Variants in C10orf67 observed in about 807,000 individuals in gnomAD.
The protein encoded by C10orf67 is uncharacterized protein C10orf67, mitochondrial.
A neutral mutation model predicts 35.6 loss-of-function variants in C10orf67; 60 were observed. That is an observed-to-expected ratio of 1.68 (90% CI 1.37 to 2.09). The LOEUF is 2.09. C10orf67 is among the 30% of genes most tolerant of loss of function. C10orf67 has a pLI of 0.00. For synonymous variants in C10orf67, 167 were observed against 115.8 expected, an observed-to-expected ratio of 1.44 and a Z score of -2.84; for missense variants, 474 against 330.2, an observed-to-expected ratio of 1.44 and a Z score of -3.38.
chr10:23,313,012 C>T (rs1844556512), intron 4 of C10orf67, among the ~76,000 whole-genome samples: 1 of 152,164 alleles, frequency 6.6e-6, no homozygotes, highest in South Asian at 2.1e-4. Flanking sequence ...ATTACATGAA[C>T]CAATTCCTCA....
intron 8 of C10orf67, among the ~76,000 whole-genome samples, chr10:23,274,667 T>C (rs1318031218): frequency 6.6e-6 from 1 of 152,162 alleles, no homozygotes; most frequent in African/African-American, 2.4e-5. Context: ...ACTGATTTTA[T>C]ATTGTTCAAA....
rs986953308 is a variant in C10orf67, at chr10:23,339,567, C to T, written c.206+5002G>A. On this transcript the variant is annotated intron_variant, in intron 1 of 15. Coordinates refer to ENST00000636213, the MANE Select transcript of C10orf67 (RefSeq NM_001371909.1). ...CCCTGCAGACCAGCAGTTGTCACAC[C>T]CTCTGGCAAGTTTCTCTCCCACCAT... Among the ~76,000 whole-genome samples, 3 of 152,246 alleles carry T rather than the reference C, an allele frequency of 2.0e-5. No individual in the cohort carries two copies. The East Asian group carries it at 5.8e-4, about 29-fold the overall frequency.
chr10:23,288,031 T>G (rs1395823515), intron 7 of C10orf67, among the ~76,000 whole-genome samples: 1 of 152,188 alleles, frequency 6.6e-6, no homozygotes, highest in Non-Finnish European at 1.5e-5. Flanking sequence ...GAATGCAAAT[T>G]AGTTCAACCA....
chr10:23,344,703 G>T lies in C10orf67; in HGVS notation c.72C>A (p.Ser24=), dbSNP rs756402620. 1.9e-5 allele frequency: 30 copies of T among 1,574,826 alleles called. No homozygotes were observed. Among genetic ancestry groups the T allele is most frequent in the Non-Finnish European group, 2.6e-5 (30 of 1,160,614 alleles). ...TGCCAAAGGTCCCCCTCAAGGAGGA[G>T]GAAAAGCAGTGAACCCATCTAATAA... ...SIVIRWVHCF[S]SSLRGTFGTR... The change falls in exon 1 of 16, where the codon TCC becomes TCA. Residue 24 remains serine, a synonymous_variant. Coordinates refer to ENST00000636213, the MANE Select transcript of C10orf67 (RefSeq NM_001371909.1).
At chr10:23,304,900 C>T (rs1227743320) in intron 4 of C10orf67, among the ~76,000 whole-genome samples, 1 of 152,186 alleles carries the variant, frequency 6.6e-6, no homozygotes, top group African/African-American at 2.4e-5. Flanking sequence ...AGGGGCCAGA[C>T]AGGATCCAAG....
At chr10:23,212,810 AG>A (rs1841343744) in intron 15 of C10orf67, among the ~76,000 whole-genome samples, 1 of 151,628 alleles carries the variant, frequency 6.6e-6, no homozygotes, top group Non-Finnish European at 1.5e-5. Flanking sequence ...AGAGAGAGAG[AG>A]AGAGAGAGAG....
At chr10:23,221,597 G>T (rs181201206) in intron 15 of C10orf67, among the ~76,000 whole-genome samples, 130 of 152,262 alleles carry the variant, frequency 8.5e-4, no homozygotes, top group African/African-American at 3.0e-3. Flanking sequence ...GGCAATAATT[G>T]CACCTCAGAT....
In C10orf67 at chr10:23,204,061, T is replaced by C. The variant is rs924455095; in HGVS notation, c.*112A>G. 1 of 433,100 alleles carries C rather than the reference T, an allele frequency of 2.3e-6. No individual in the cohort carries two copies. Among genetic ancestry groups the C allele is most frequent in the African/African-American group, 2.0e-5 (1 of 48,900 alleles). 26.8% of individuals were successfully genotyped at this position (433,100 alleles called of 1,614,324 possible). A position where few individuals can be genotyped will look rare whatever the true frequency, so the allele number is the denominator to read the frequency against. Reference sequence around the variant, plus strand: ...ACATAATCTGGAGAGATTAAACAATTAGTTTAGAAAATCCTTGGAGATAGT... The same window carrying C: ...ACATAATCTGGAGAGATTAAACAATCAGTTTAGAAAATCCTTGGAGATAGT... On this transcript the variant is annotated 3_prime_UTR_variant, in exon 16 of 16. Coordinates refer to ENST00000636213, the MANE Select transcript of C10orf67 (RefSeq NM_001371909.1).
chr10:23,201,972 A>T (rs990459509), downstream of C10orf67: 1 of 152,120 alleles, frequency 6.6e-6, no homozygotes, highest in African/African-American at 2.4e-5. Context: ...TTTTTTATTC[A>T]ACTAACTTTT....
chr10:23,326,068 T>C (rs749700591), intron 2 of C10orf67, among the ~76,000 whole-genome samples: 4 of 152,036 alleles, frequency 2.6e-5, no homozygotes, highest in Non-Finnish European at 5.9e-5. Context: ...TAATGAGAAG[T>C]CTAACATACA....
At chr10:23,289,655 G>T (rs1239423809) in intron 7 of C10orf67, among the ~76,000 whole-genome samples, 1 of 152,172 alleles carries the variant, frequency 6.6e-6, no homozygotes, top group Non-Finnish European at 1.5e-5. Flanking sequence ...ACTATTCGGT[G>T]CCTTAAAATC....
intron 8 of C10orf67, among the ~76,000 whole-genome samples, chr10:23,275,590 C>G (rs201031878): frequency 8.6e-6 from 1 of 116,206 alleles, no homozygotes; most frequent in South Asian, 2.9e-4. Flanking sequence ...CACACACATA[C>G]ACACACACAT....
chr10:23,229,138 T>C (rs1164103361), intron 13 of C10orf67, among the ~76,000 whole-genome samples: 1 of 152,090 alleles, frequency 6.6e-6, no homozygotes, highest in Non-Finnish European at 1.5e-5. Context: ...TGCACACGTA[T>C]GTTCACTGCG....
chr10:23,308,393 G>A (rs1261810426), intron 4 of C10orf67, among the ~76,000 whole-genome samples: 1 of 152,036 alleles, frequency 6.6e-6, no homozygotes, highest in Non-Finnish European at 1.5e-5. Context: ...TCCTCCTACG[G>A]GCTAACATCC....
At chr10:23,304,973 CA>C (rs1178842348) in intron 4 of C10orf67, among the ~76,000 whole-genome samples, 1 of 152,144 alleles carries the variant, frequency 6.6e-6, no homozygotes, top group Admixed American at 6.5e-5. Flanking sequence ...CAGCAGCAGC[CA>C]CGTAACTCGG....
intron 15 of C10orf67, among the ~76,000 whole-genome samples, chr10:23,209,372 C>T (rs1213310159): frequency 6.6e-6 from 1 of 151,870 alleles, no homozygotes; most frequent in Non-Finnish European, 1.5e-5. Flanking sequence ...AGGTTGGTGT[C>T]TTGGAGGTCA....
At chr10:23,305,422 G>A (rs563834629) in intron 4 of C10orf67, among the ~76,000 whole-genome samples, 44 of 152,264 alleles carry the variant, frequency 2.9e-4, no homozygotes, top group African/African-American at 1.0e-3. Flanking sequence ...TGGATCACTC[G>A]AGGCCAGGAG....
chr10:23,325,903 A>G (rs1178880270), intron 2 of C10orf67, among the ~76,000 whole-genome samples: 2 of 152,176 alleles, frequency 1.3e-5, no homozygotes, highest in Non-Finnish European at 2.9e-5. Context: ...GAAAAATACA[A>G]TATCCAAAAT....
At chr10:23,328,872 C>T (rs1272375033) in intron 2 of C10orf67, among the ~76,000 whole-genome samples, 1 of 150,722 alleles carries the variant, frequency 6.6e-6, no homozygotes, top group Non-Finnish European at 1.5e-5. Flanking sequence ...GTAGTTCCAG[C>T]TACTCAAGTG....
Sources: gnomAD v4.1 joint callset for allele counts (sites outside exome capture counted in the v4.1 genomes callset) on GRCh38, gnomAD v4.1.1 for gene constraint, MANE v1.5 for transcripts, NCBI Gene and HGNC (gene_info 2026-07-23, HGNC 2026-07-21) for gene names.